The following PPP2R2C variants were observed in gnomAD, a reference collection of about 807,000 sequenced individuals.
The protein encoded by PPP2R2C is protein phosphatase 2, regulatory subunit B, gamma.
A neutral mutation model predicts 45.3 loss-of-function variants in PPP2R2C; 10 were observed. The observed-to-expected ratio is 0.22, with a 90% CI of 0.14 to 0.37. The LOEUF is 0.37. Ranked by LOEUF, PPP2R2C falls within the 10% of genes least tolerant of loss-of-function variation. PPP2R2C has a pLI of 1.00. For synonymous variants in PPP2R2C, 257 were observed against 245.4 expected (o/e 1.05, Z -0.44); for missense variants, 308 against 619.7 (o/e 0.50, Z 5.34).
intron 1 of PPP2R2C, among the ~76,000 whole-genome samples, chr4:6,539,104 C>G (rs1724725137): frequency 6.6e-6 from 1 of 151,608 alleles, no homozygotes; most frequent in East Asian, 1.9e-4. Context: ...CGTCATTAAG[C>G]TGAGTCCCTA....
At chr4:6,448,330 C>T (rs1720543156) in intron 1 of PPP2R2C, among the ~76,000 whole-genome samples, 1 of 152,084 alleles carries the variant, frequency 6.6e-6, no homozygotes, top group Non-Finnish European at 1.5e-5. Context: ...GAGGCCAAGG[C>T]AGGTGGATCC....
intron 5 of PPP2R2C, among the ~76,000 whole-genome samples, chr4:6,359,690 C>A (rs1223404464): frequency 6.6e-6 from 1 of 151,934 alleles, no homozygotes; most frequent in Non-Finnish European, 1.5e-5. Flanking sequence ...TCCTGGAGCC[C>A]AGCCACGCGA....
At chr4:6,383,987 T>C in intron 1 of PPP2R2C, 1 of 985,892 alleles carries the variant, frequency 1.0e-6, no homozygotes, top group Non-Finnish European at 1.2e-6. Flanking sequence ...GACGTATCCA[T>C]CCATCCATCA....
upstream of PPP2R2C, among the ~76,000 whole-genome samples, chr4:6,473,727 G>A (rs1348304606): frequency 1.3e-5 from 2 of 152,248 alleles, no homozygotes; most frequent in African/African-American, 2.4e-5. Flanking sequence ...GTGGAGGTAG[G>A]AGAGTCCAAA....
At chr4:6,431,888 T>A (rs1477963671) in intron 1 of PPP2R2C, among the ~76,000 whole-genome samples, 1 of 152,162 alleles carries the variant, frequency 6.6e-6, no homozygotes, top group African/African-American at 2.4e-5. Context: ...CTCACAGTTC[T>A]AGAGGCTGGG....
At chr4:6,468,575 A>G (rs1377695352) in intron 1 of PPP2R2C, among the ~76,000 whole-genome samples, 1 of 152,182 alleles carries the variant, frequency 6.6e-6, no homozygotes, top group Non-Finnish European at 1.5e-5. Context: ...CAGGCACATG[A>G]GAGTGACTGT....
intron 5 of PPP2R2C, among the ~76,000 whole-genome samples, chr4:6,356,839 G>A (rs1431704563): frequency 1.3e-5 from 2 of 152,180 alleles, no homozygotes; most frequent in African/African-American, 4.8e-5. Context: ...GGGAGCAGGA[G>A]GAGAAAGTCA....
At chr4:6,446,989 T>A (rs559490064) in intron 1 of PPP2R2C, among the ~76,000 whole-genome samples, 1 of 150,926 alleles carries the variant, frequency 6.6e-6, no homozygotes, top group Admixed American at 6.6e-5. Flanking sequence ...CGGGGCAAGG[T>A]CTTGGCAGAG....
chr4:6,538,387 G>A (rs914642015), intron 1 of PPP2R2C, among the ~76,000 whole-genome samples: 8 of 152,126 alleles, frequency 5.3e-5, no homozygotes, highest in African/African-American at 1.9e-4. Context: ...CGACACACAG[G>A]TGCATTGAGC....
chr4:6,520,094 A>G (rs1281030573), intron 2 of PPP2R2C, among the ~76,000 whole-genome samples: 4 of 152,202 alleles, frequency 2.6e-5, no homozygotes, highest in Non-Finnish European at 5.9e-5. Flanking sequence ...AGAGAGGGAC[A>G]GGATCAGATT....
At chr4:6,382,320 C>A in intron 1 of PPP2R2C, 4 of 1,289,640 alleles carry the variant, frequency 3.1e-6, no homozygotes, top group Non-Finnish European at 3.0e-6. Context: ...ATCTGTGATA[C>A]CACCTTTAGC....
upstream of PPP2R2C, among the ~76,000 whole-genome samples, chr4:6,473,047 G>A (rs1444344340): frequency 1.3e-5 from 2 of 152,100 alleles, no homozygotes; most frequent in Non-Finnish European, 2.9e-5. Flanking sequence ...TAGTAGAAGA[G>A]GGTGGGTCGC....
intron 2 of PPP2R2C, among the ~76,000 whole-genome samples, chr4:6,512,551 GTGA>G (rs1560595590): frequency 4.2e-4 from 46 of 110,622 alleles, no homozygotes; most frequent in East Asian, 2.3e-3. Context: ...GGTGATGGTG[GTGA>G]TGGTGGTGGT....
rs34537057 is a variant in PPP2R2C at position 6,413,630 on chromosome 4, G to A, written c.71-32536C>T. Among the ~76,000 whole-genome samples the A allele has an allele frequency of 0.022, 3,278 of 152,276 alleles. 67 individuals carry two copies. The highest frequency in any genetic ancestry group is 0.075 in the Middle Eastern group (22 of 294). Reference sequence around the variant, plus strand: ...CCCTGCTGTGAGAGAACACCCTGCCGCCTCTCAGCCTGCACCACAGCACTC... The same window carrying A: ...CCCTGCTGTGAGAGAACACCCTGCCACCTCTCAGCCTGCACCACAGCACTC... On this transcript the variant is annotated intron_variant, in intron 1 of 8. Transcript: ENST00000382599.
rs539322623 is a variant in PPP2R2C at position 6,416,899 on chromosome 4, C to T, written c.71-35805G>A. Among the ~76,000 whole-genome samples, 25 of 152,296 alleles carry T rather than the reference C, an allele frequency of 1.6e-4. No individual in the cohort carries two copies. The South Asian group carries it at 1.9e-3, about 11-fold the overall frequency. On this transcript the variant is annotated intron_variant, in intron 1 of 8. Transcript: ENST00000382599. The stretch of plus-strand genomic sequence containing the variant: ...CCCCTGTCGGGGGGAGACTGACTGA[C>T]GCTGGAGTATTGGGGAGGGAGATGG...
At chr4:6,423,455 CA>C (rs1719101083) in intron 1 of PPP2R2C, among the ~76,000 whole-genome samples, 2 of 152,232 alleles carry the variant, frequency 1.3e-5, no homozygotes, top group African/African-American at 4.8e-5. Flanking sequence ...CCACCCACCT[CA>C]GCCTCCCAAA....
At chr4:6,326,325 C>G (rs1172202126) in intron 8 of PPP2R2C, among the ~76,000 whole-genome samples, 1 of 152,094 alleles carries the variant, frequency 6.6e-6, no homozygotes, top group East Asian at 1.9e-4. Flanking sequence ...AAAAACAGCC[C>G]TAGGGATACA....
At chr4:6,484,959 T>C (rs1368460637) in intron 2 of PPP2R2C, among the ~76,000 whole-genome samples, 3 of 151,864 alleles carry the variant, frequency 2.0e-5, no homozygotes, top group African/African-American at 7.2e-5. Flanking sequence ...TCGAGAAGAA[T>C]GTGTGCTGAG....
rs1396425919 is a variant in PPP2R2C at position 6,333,542 on chromosome 4, T to A, written c.960+20A>T. ...GGGAAAAAAGACCCGGGATTGGGGGTCTCCTGCTGTGGTGCCCACCTGGTA... is the reference window on the plus strand; with the variant it reads ...GGGAAAAAAGACCCGGGATTGGGGGACTCCTGCTGTGGTGCCCACCTGGTA... On this transcript the variant is annotated intron_variant, in intron 7 of 8. Coordinates refer to ENST00000382599, the MANE Select transcript of PPP2R2C (RefSeq NM_020416.4). 5.6e-6 allele frequency: 9 copies of A among 1,606,072 alleles called. No homozygotes were observed. Among genetic ancestry groups the A allele is most frequent in the Non-Finnish European group, 7.7e-6 (9 of 1,174,568 alleles).
Sources: allele counts gnomAD v4.1 joint callset (sites outside exome capture counted in the v4.1 genomes callset), GRCh38; gene constraint gnomAD v4.1.1; transcripts MANE v1.5; gene names NCBI Gene and HGNC (gene_info 2026-07-23, HGNC 2026-07-21).